Variants in HS3ST4 observed in about 807,000 individuals in gnomAD.
The protein encoded by HS3ST4 is heparan sulfate-glucosamine 3-sulfotransferase 4.
Under a neutral mutation model 29.2 loss-of-function variants are expected in HS3ST4, and 17 were observed. That is an observed-to-expected ratio of 0.58 (90% CI 0.40 to 0.87). HS3ST4 has a LOEUF of 0.87. Among genes scored for constraint, HS3ST4 ranks in the 40% least tolerant of loss-of-function variants. HS3ST4 has a pLI of 0.00. For missense variants in HS3ST4, 627 were observed against 634.5 expected, an observed-to-expected ratio of 0.99 and a Z score of 0.13; for synonymous variants, 314 against 285.7, an observed-to-expected ratio of 1.10 and a Z score of -1.00.
chr16:26,071,952 T>G (rs1241570482), intron 1 of HS3ST4, among the ~76,000 whole-genome samples: 2 of 152,194 alleles, frequency 1.3e-5, no homozygotes, highest in African/African-American at 4.8e-5. Context: ...AGCATATGAC[T>G]TGGGCCAAAT....
chr16:25,914,001 G>A (rs1968266189), intron 1 of HS3ST4, among the ~76,000 whole-genome samples: 1 of 145,914 alleles, frequency 6.9e-6, no homozygotes, highest in Non-Finnish European at 1.5e-5. Context: ...GCAGGGAGGT[G>A]TATGTGTGTG....
At chr16:25,984,377 T>G (rs1204390434) in intron 1 of HS3ST4, among the ~76,000 whole-genome samples, 2 of 152,060 alleles carry the variant, frequency 1.3e-5, no homozygotes, top group Non-Finnish European at 1.5e-5. Context: ...CACAACAGGG[T>G]CCATGCTCCT....
intron 1 of HS3ST4, among the ~76,000 whole-genome samples, chr16:26,015,502 T>C (rs568794030): frequency 7.2e-5 from 11 of 152,308 alleles, no homozygotes; most frequent in Admixed American, 4.6e-4. Context: ...GGGACTTTTA[T>C]TGGAGTCAAT....
At chr16:26,018,601 C>G (rs764940426) in intron 1 of HS3ST4, among the ~76,000 whole-genome samples, 2 of 152,022 alleles carry the variant, frequency 1.3e-5, no homozygotes, top group Non-Finnish European at 2.9e-5. Context: ...TGAGATTTTT[C>G]CAGGTCAACA....
chr16:26,105,458 T>C (rs2059295114), intron 1 of HS3ST4, among the ~76,000 whole-genome samples: 1 of 152,192 alleles, frequency 6.6e-6, no homozygotes, highest in Admixed American at 6.5e-5. Context: ...CAATAAACTT[T>C]TGTGACATAC....
intron 1 of HS3ST4, among the ~76,000 whole-genome samples, chr16:26,090,897 C>T (rs1898849515): frequency 2.0e-5 from 3 of 152,090 alleles, no homozygotes; most frequent in Admixed American, 2.0e-4. Context: ...GAGGTGCATG[C>T]CTGACTCCTT....
Position 25,894,188 on chromosome 16 carries a change from ACTT to A in HS3ST4, c.734+201039_734+201041del, listed in dbSNP as rs199727293. On this transcript the variant is annotated intron_variant, in intron 1 of 1. Transcript: ENST00000331351. ...AGTGGCTTTCCTTGGAGTGCTTTGA[ACTT>A]CATCAGATTTCCAGATGCTGTGTTC... Among the ~76,000 whole-genome samples, 160 of 152,180 alleles carry A rather than the reference ACTT, an allele frequency of 1.1e-3. 1 individual carries two copies. The East Asian group carries it at 0.028, about 27-fold the overall frequency.
At chr16:26,012,026 C>A (rs181460101) in intron 1 of HS3ST4, among the ~76,000 whole-genome samples, 1 of 152,262 alleles carries the variant, frequency 6.6e-6, no homozygotes, top group Admixed American at 6.5e-5. Context: ...GATTCTACAC[C>A]TGAATAATCG....
rs539248622 is a variant in HS3ST4 at position 26,060,110 on chromosome 16, A to G, written c.735-75502A>G. 2.6e-5 allele frequency among the ~76,000 whole-genome samples: 4 copies of G among 152,160 alleles called. No individual in the cohort carries two copies. The South Asian group carries it at 8.3e-4, about 32-fold the overall frequency. ...ATTATTTTTACTTGTGATTGTTTTG[A>G]TTGTTGTCAGAACCCTGAGTCCGTG... is the stretch of plus-strand genomic sequence containing the variant. On this transcript the variant is annotated intron_variant, in intron 1 of 1. Coordinates refer to ENST00000331351, the MANE Select transcript of HS3ST4 (RefSeq NM_006040.3).
At chr16:26,092,200 C>G (rs528282507) in intron 1 of HS3ST4, among the ~76,000 whole-genome samples, 1 of 152,284 alleles carries the variant, frequency 6.6e-6, no homozygotes, top group African/African-American at 2.4e-5. Context: ...TGGCTCATCC[C>G]TAACCCAGCC....
intron 1 of HS3ST4, among the ~76,000 whole-genome samples, chr16:25,725,986 A>C (rs1212645844): frequency 1.3e-5 from 2 of 152,172 alleles, no homozygotes; most frequent in African/African-American, 4.8e-5. Context: ...ACCTAGTATA[A>C]ACACACATGC....
chr16:25,889,472 ACAAT>A (rs903129682), intron 1 of HS3ST4, among the ~76,000 whole-genome samples: 1 of 152,226 alleles, frequency 6.6e-6, no homozygotes, highest in African/African-American at 2.4e-5. Context: ...ACATTTAGAC[ACAAT>A]CAATAAGCAA....
intron 1 of HS3ST4, among the ~76,000 whole-genome samples, chr16:26,067,832 A>G (rs1898558893): frequency 6.6e-6 from 1 of 152,124 alleles, no homozygotes; most frequent in Non-Finnish European, 1.5e-5. Context: ...AAGTTTCACA[A>G]AATCTGTTGG....
intron 1 of HS3ST4, among the ~76,000 whole-genome samples, chr16:25,894,944 AT>A (rs1271483331): frequency 6.6e-6 from 1 of 152,242 alleles, no homozygotes; most frequent in Non-Finnish European, 1.5e-5. Context: ...CTTACTGCAT[AT>A]CAGGCACTGG....
intron 1 of HS3ST4, among the ~76,000 whole-genome samples, chr16:25,767,317 A>T (rs899836837): frequency 2.0e-5 from 3 of 152,114 alleles, no homozygotes; most frequent in Non-Finnish European, 4.4e-5. Context: ...TTCTTCTTGG[A>T]TTAGCCCAGG....
chr16:26,133,006 T>C (rs1899439864), intron 1 of HS3ST4, among the ~76,000 whole-genome samples: 2 of 152,212 alleles, frequency 1.3e-5, no homozygotes, highest in African/African-American at 4.8e-5. Context: ...AGCTCCCTTG[T>C]TGGACACCAG....
At chr16:25,828,298 TTCCC>T (rs1248031717) in intron 1 of HS3ST4, among the ~76,000 whole-genome samples, 50 of 27,908 alleles carry the variant, frequency 1.8e-3, no homozygotes, top group African/African-American at 4.3e-3. Context: ...CTTTCTTTCT[TTCCC>T]TCTCTCTCTC....
At chr16:26,115,558 A>T (rs1363906532) in intron 1 of HS3ST4, among the ~76,000 whole-genome samples, 2 of 152,104 alleles carry the variant, frequency 1.3e-5, no homozygotes, top group African/African-American at 2.4e-5. Context: ...GCATGAAGCC[A>T]TCCATTTGGA....
At chr16:25,864,356 A>ACTTTTTTAATAATAATGATGCTTT (rs1967671851) in intron 1 of HS3ST4, among the ~76,000 whole-genome samples, 2 of 107,188 alleles carry the variant, frequency 1.9e-5, no homozygotes, top group Non-Finnish European at 3.8e-5. Context: ...AAGTGTGCAA[A>ACTTTTTTAATAATAATGATGCTTT]GCATCATTAT....
Sources: gnomAD v4.1 joint callset for allele counts (sites outside exome capture counted in the v4.1 genomes callset) on GRCh38, gnomAD v4.1.1 for gene constraint, MANE v1.5 for transcripts, NCBI Gene and HGNC (gene_info 2026-07-23, HGNC 2026-07-21) for gene names.